The following EIF4EBP1 variants were observed in gnomAD, a reference collection of about 807,000 sequenced individuals.
The protein encoded by EIF4EBP1 is eukaryotic translation initiation factor 4E binding protein 1.
EIF4EBP1 carries 5 observed loss-of-function variants against 9.2 expected under a neutral mutation model. That is an observed-to-expected ratio of 0.54 (90% confidence interval 0.28 to 1.14). The LOEUF is 1.14. EIF4EBP1 is among the 50% of genes most tolerant of loss of function. EIF4EBP1 has a pLI of 0.09. For missense variants in EIF4EBP1, 139 were observed against 169.6 expected, an observed-to-expected ratio of 0.82 and a Z score of 1.00; for synonymous variants, 62 against 67.0, an observed-to-expected ratio of 0.93 and a Z score of 0.36.
At chr8:38,031,355 G>A (rs2130375093) in intron 1 of EIF4EBP1, among the ~76,000 whole-genome samples, 1 of 152,294 alleles carries the variant, frequency 6.6e-6, no homozygotes, top group Admixed American at 6.5e-5. Flanking sequence ...TCCGGGGAGA[G>A]GAGGAGGCAC....
intron 1 of EIF4EBP1, among the ~76,000 whole-genome samples, chr8:38,040,640 TGGG>T (rs1401224962): frequency 6.6e-6 from 1 of 152,238 alleles, no homozygotes; most frequent in East Asian, 1.9e-4. Context: ...CCCATACATC[TGGG>T]GCATTGCTGG....
chr8:38,038,824 G>A (rs1273243064), intron 1 of EIF4EBP1, among the ~76,000 whole-genome samples: 1 of 151,854 alleles, frequency 6.6e-6, no homozygotes, highest in African/African-American at 2.4e-5. Context: ...TGTCCAACCC[G>A]AGACCCTCAG....
intron 1 of EIF4EBP1, among the ~76,000 whole-genome samples, chr8:38,037,158 G>T (rs1809315111): frequency 6.6e-6 from 1 of 152,048 alleles, no homozygotes; most frequent in Non-Finnish European, 1.5e-5. Context: ...TTGTTTACGT[G>T]TTTGTTCCCT....
Position 38,049,073 on chromosome 8 carries a change from C to T in EIF4EBP1, c.146-8008C>T, listed in dbSNP as rs547277179. 6.1e-5 allele frequency among the ~76,000 whole-genome samples: 9 copies of T among 148,610 alleles called. 1 individual carries two copies. In the South Asian group the frequency reaches 1.3e-3, roughly 21 times the overall value. On this transcript the variant is annotated intron_variant, in intron 1 of 2. Coordinates refer to ENST00000338825, the MANE Select transcript of EIF4EBP1 (RefSeq NM_004095.4). Reference sequence around the variant, plus strand: ...CTGGGAGGCGGAGGTTGCAGTGAGCCGAGATTGCGCCATTGCACTCCATCC... The same window carrying T: ...CTGGGAGGCGGAGGTTGCAGTGAGCTGAGATTGCGCCATTGCACTCCATCC...
At chr8:38,043,192 A>G (rs1461901975) in intron 1 of EIF4EBP1, among the ~76,000 whole-genome samples, 2 of 152,168 alleles carry the variant, frequency 1.3e-5, no homozygotes, top group Non-Finnish European at 2.9e-5. Flanking sequence ...TCAGAAGGTC[A>G]TTCCCTATTG....
chr8:38,057,453 C>T (rs1025179422), intron 2 of EIF4EBP1, among the ~76,000 whole-genome samples, 193 bp downstream of exon 2: 1 of 152,156 alleles, frequency 6.6e-6, no homozygotes, highest in African/African-American at 2.4e-5. Context: ...AGCAACTTTC[C>T]CCCTGAAAGG....
At position 38,030,736 on chromosome 8, in the gene EIF4EBP1, G is replaced by T; in HGVS notation, c.145+18G>T. The T allele has an allele frequency of 1.4e-6, 2 of 1,379,954 alleles. No individual in the cohort carries two copies. Among genetic ancestry groups the T allele is most frequent in the South Asian group, 1.7e-5 (1 of 60,584 alleles). 85.5% of individuals were successfully genotyped at this position (1,379,954 alleles called of 1,614,324 possible). On this transcript the variant is annotated intron_variant, in intron 1 of 2. Transcript: ENST00000338825. ...CCCGGGAGGTAGGCGCGGGCTTGGC[G>T]ACGCCGCTTGCCGGCTCCTGGGCGG...
Position 38,030,661 on chromosome 8 carries a change from C to A in EIF4EBP1, c.88C>A (p.Pro30Thr). The A allele has an allele frequency of 6.7e-7, 1 of 1,503,176 alleles. No homozygotes were observed. The highest frequency in any genetic ancestry group is 8.8e-7 in the Non-Finnish European group (1 of 1,132,238). The allele number at this position is 1,503,176 out of a possible 1,614,324, so 93.1% of individuals were successfully genotyped here. A position where few individuals can be genotyped will look rare whatever the true frequency, so the allele number is the denominator to read the frequency against. ...GGTGCTCGGCGACGGCGTGCAGCTC[C>A]CGCCCGGGGACTACAGCACGACCCC... is the stretch of plus-strand genomic sequence containing the variant. ...RVVLGDGVQLPPGDYSTTPGG... is the reference protein window; with the variant it reads ...RVVLGDGVQLTPGDYSTTPGG... Residue 30 changes from proline (P) to threonine (T), a missense_variant, in exon 1 of 3, where the codon CCG becomes ACG. By Grantham distance (38) the Pro-to-Thr change is conservative. Transcript: ENST00000338825.
chr8:38,042,834 C>T (rs1165818373), intron 1 of EIF4EBP1, among the ~76,000 whole-genome samples: 1 of 152,108 alleles, frequency 6.6e-6, no homozygotes, highest in Non-Finnish European at 1.5e-5. Flanking sequence ...GAGGTCAAGG[C>T]GGGCAGATCG....
At chr8:38,054,967 T>C (rs1353268175) in intron 1 of EIF4EBP1, among the ~76,000 whole-genome samples, 1 of 152,128 alleles carries the variant, frequency 6.6e-6, no homozygotes, top group Non-Finnish European at 1.5e-5. Flanking sequence ...ACCCTGGTTC[T>C]TTACACCCCT....
chr8:38,033,548 G>A (rs889491815), intron 1 of EIF4EBP1, among the ~76,000 whole-genome samples: 1 of 151,702 alleles, frequency 6.6e-6, no homozygotes, highest in South Asian at 2.1e-4. Context: ...GGAGAGCCAG[G>A]CTTTTGATAG....
Position 38,056,602 on chromosome 8 carries a change from G to A in EIF4EBP1, c.146-479G>A, listed in dbSNP as rs573815382. ...TTCCATGTGAAGGGGAGTTGGGGCC[G>A]TTTGGAGGTAGCAGAGTTCTGGGTG... On this transcript the variant is annotated intron_variant, in intron 1 of 2. Transcript: ENST00000338825. 1.2e-4 allele frequency among the ~76,000 whole-genome samples: 18 copies of A among 151,472 alleles called. 1 individual carries two copies. Among genetic ancestry groups the A allele is most frequent in the Middle Eastern group, 3.5e-3 (1 of 284 alleles).
rs542046555 is a variant in EIF4EBP1 at position 38,053,382 on chromosome 8, G to A, written c.146-3699G>A. Among the ~76,000 whole-genome samples the A allele has an allele frequency of 5.9e-5, 9 of 151,966 alleles. No homozygotes were observed. The South Asian group carries it at 8.3e-4, about 14-fold the overall frequency. On this transcript the variant is annotated intron_variant, in intron 1 of 2. Coordinates refer to ENST00000338825, the MANE Select transcript of EIF4EBP1 (RefSeq NM_004095.4). ...TCTGTCGCCCAGGCTGGAGGGCAGC[G>A]GCGCGATCTCAGCTCACTGGAGCGC...
At chr8:38,036,461 C>A (rs78581180) in intron 1 of EIF4EBP1, among the ~76,000 whole-genome samples, 30 of 152,244 alleles carry the variant, frequency 2.0e-4, no homozygotes, top group African/African-American at 6.3e-4. Context: ...GAGTGAAACT[C>A]CGTCTCAAAG....
intron 1 of EIF4EBP1, among the ~76,000 whole-genome samples, chr8:38,055,981 T>G (rs957420424): frequency 6.6e-6 from 1 of 151,900 alleles, no homozygotes; most frequent in Admixed American, 6.6e-5. Context: ...GAGCCCACCC[T>G]TCACTCCTGC....
chr8:38,047,153 TCTC>T (rs1170817501), intron 1 of EIF4EBP1, among the ~76,000 whole-genome samples: 2 of 152,188 alleles, frequency 1.3e-5, no homozygotes, highest in Admixed American at 6.5e-5. Context: ...CCCTTGGTGA[TCTC>T]CTCTTACGCC....
intron 1 of EIF4EBP1, among the ~76,000 whole-genome samples, chr8:38,046,293 T>C (rs1490927419): frequency 1.3e-5 from 2 of 152,152 alleles, no homozygotes; most frequent in Non-Finnish European, 2.9e-5. Flanking sequence ...GCTTTATATA[T>C]TGAAAGCAAA....
chr8:38,047,548 G>A (rs745542024), intron 1 of EIF4EBP1, among the ~76,000 whole-genome samples: 1 of 151,458 alleles, frequency 6.6e-6, no homozygotes, highest in Non-Finnish European at 1.5e-5. Flanking sequence ...GCAGTGATGC[G>A]ATCTCAACTC....
At chr8:38,045,470 C>T (rs145298551) in intron 1 of EIF4EBP1, among the ~76,000 whole-genome samples, 1,844 of 151,034 alleles carry the variant, frequency 0.012, 20 homozygotes, top group Admixed American at 0.017. Flanking sequence ...TTTGGGAGGC[C>T]GAGGTGGGGG....
Sources: allele counts gnomAD v4.1 joint callset (sites outside exome capture counted in the v4.1 genomes callset), GRCh38; gene constraint gnomAD v4.1.1; transcripts MANE v1.5; gene names NCBI Gene and HGNC (gene_info 2026-07-23, HGNC 2026-07-21).